The following FSTL4 variants were observed in gnomAD, a reference collection of about 807,000 sequenced individuals.
FSTL4 encodes follistatin-related protein 4.
FSTL4 carries 28 observed loss-of-function variants against 78.2 expected under a neutral mutation model. That is an observed-to-expected ratio of 0.36 (90% CI 0.27 to 0.49). The LOEUF is 0.49. FSTL4 is among the 20% of genes least tolerant of loss of function. The pLI is 0.98. For synonymous variants in FSTL4, 422 were observed against 440.5 expected (o/e 0.96, Z 0.53); for missense variants, 922 against 1,084.9 (o/e 0.85, Z 2.11).
At chr5:133,240,633 CTG>C (rs1393140883) in intron 7 of FSTL4, among the ~76,000 whole-genome samples, 1 of 152,060 alleles carries the variant, frequency 6.6e-6, no homozygotes, top group Non-Finnish European at 1.5e-5. Context: ...CTTCTTCTGA[CTG>C]TGGATGCCAA....
rs1464656966 is a variant in FSTL4 at position 133,361,180 on chromosome 5, C to G, written c.409+39558G>C. ...ACATGATTCCCGACCTCTTCTCGCT[C>G]TAATAAACTTTTCAAGGAGGGGTCG... On this transcript the variant is annotated intron_variant, in intron 4 of 15. Transcript: ENST00000265342. The surrounding 1 kb of genome is among the most constrained non-coding windows in gnomAD (Gnocchi z 4.3). 6.6e-6 allele frequency among the ~76,000 whole-genome samples: 1 copy of G among 152,176 alleles called. No individual in the cohort carries two copies. The highest frequency in any genetic ancestry group is 1.5e-5 in the Non-Finnish European group (1 of 68,032).
At chr5:133,687,521 AG>A in the FSTL4 span, among the ~76,000 whole-genome samples, 3 of 152,090 alleles carry the variant, frequency 2.0e-5, no homozygotes, top group Non-Finnish European at 4.4e-5. Context: ...AGGAACACCC[AG>A]GGGGGCTTTA....
In FSTL4 at chr5:133,197,990, C is replaced by T. The variant is rs929936172; in HGVS notation, c.*1105G>A. On this transcript the variant is annotated 3_prime_UTR_variant, in exon 16 of 16. Coordinates refer to ENST00000265342, the MANE Select transcript of FSTL4 (RefSeq NM_015082.2). ...AAACCCTCGCCGAAATGTGTTCTCT[C>T]TGCAGTGCTGATGCGGGGATGGGGT... The T allele has an allele frequency of 6.5e-6, 1 of 152,860 alleles. No homozygotes were observed. Among genetic ancestry groups the T allele is most frequent in the Admixed American group, 6.5e-5 (1 of 15,278 alleles). The allele number at this position is 152,860 out of a possible 1,614,324, so 9.5% of individuals were successfully genotyped here.
chr5:133,657,626 G>A, the FSTL4 span, among the ~76,000 whole-genome samples: 3 of 151,918 alleles, frequency 2.0e-5, no homozygotes, highest in East Asian at 5.8e-4. Flanking sequence ...CTAGATATCT[G>A]GGTATCCTTG....
rs757537065 is a variant in FSTL4 at position 133,449,668 on chromosome 5, G to A, written c.161-48682C>T. The stretch of plus-strand genomic sequence containing the variant: ...GTCCGAGGTGAGGGGTGAGGTCTGC[G>A]TCCCTCCCGTGTTTCAAGGTCCATC... On this transcript the variant is annotated intron_variant, in intron 3 of 15. Transcript: ENST00000265342. 5.3e-5 allele frequency among the ~76,000 whole-genome samples: 8 copies of A among 152,120 alleles called. No individual in the cohort carries two copies. In the East Asian group the frequency reaches 1.2e-3, roughly 22 times the overall value.
Position 133,316,590 on chromosome 5 carries a change from G to C in FSTL4, c.472C>G (p.Arg158Gly), listed in dbSNP as rs775276500. Residue 158 changes from arginine (R) to glycine (G), a missense_variant, in exon 5 of 16, where the codon CGT becomes GGT. Physicochemically the swap from Arg to Gly is moderately radical, Grantham distance 125. Transcript: ENST00000265342. ...TCTCCTTCTTGGAGTGGCTGCAGAC[G>C]GGTCTGGAGTGCCAGAAGGACATTC... ...LKNVLLALQT[R>G]LQPLQEGDSR... The C allele has an allele frequency of 1.9e-6, 3 of 1,614,140 alleles. No individual in the cohort carries two copies. The highest frequency in any genetic ancestry group is 1.7e-5 in the Admixed American group (1 of 60,026).
In FSTL4 at chr5:133,312,674, C is replaced by T. The variant is rs374211071; in HGVS notation, c.707G>A (p.Arg236His). The change falls in exon 6 of 16, where the codon CGC becomes CAC. Residue 236 changes from arginine (R) to histidine (H), a missense_variant. Transcript: ENST00000265342. ...CTTACGGAAGGCCATGTAGAACTCGCGGAGGGTCAGGGAGCTGTCACTGTT... is the reference window on the plus strand; with the variant it reads ...CTTACGGAAGGCCATGTAGAACTCGTGGAGGGTCAGGGAGCTGTCACTGTT... ...DYNSDSSLTL[R>H]EFYMAFQVVQ... 9.3e-6 allele frequency: 15 copies of T among 1,613,922 alleles called. No homozygotes were observed. Among genetic ancestry groups the T allele is most frequent in the East Asian group, 2.2e-5 (1 of 44,870 alleles).
chr5:133,525,039 C>T (rs1759061699), intron 3 of FSTL4, among the ~76,000 whole-genome samples: 1 of 152,202 alleles, frequency 6.6e-6, no homozygotes, highest in Non-Finnish European at 1.5e-5. Flanking sequence ...CTTTTTAACC[C>T]TGTTACATGG....
At chr5:133,296,415 C>A (rs193085976) in intron 6 of FSTL4, among the ~76,000 whole-genome samples, 2 of 152,316 alleles carry the variant, frequency 1.3e-5, no homozygotes, top group East Asian at 3.9e-4. Flanking sequence ...CATCCCTTCT[C>A]GACTTGAAGC....
chr5:133,684,575 C>T, the FSTL4 span, among the ~76,000 whole-genome samples: 2 of 152,210 alleles, frequency 1.3e-5, no homozygotes, highest in African/African-American at 4.8e-5. Flanking sequence ...GCTTGGCAGA[C>T]AGAGTTCCAT....
At chr5:133,825,193 C>T in the FSTL4 span, among the ~76,000 whole-genome samples, 25 of 152,256 alleles carry the variant, frequency 1.6e-4, no homozygotes, top group East Asian at 7.7e-4. Flanking sequence ...CCTACTCCCA[C>T]GCCACCTTGA....
At chr5:133,583,561 T>C (rs1760485044) in intron 2 of FSTL4, 1 of 157,524 alleles carries the variant, frequency 6.3e-6, no homozygotes, top group East Asian at 2.6e-4. Context: ...ATCGGGTCAC[T>C]CCCACCCGAA....
chr5:133,261,327 G>A lies in FSTL4; in HGVS notation c.728-11751C>T, dbSNP rs1035262462. On this transcript the variant is annotated intron_variant, in intron 6 of 15. Transcript: ENST00000265342. Reference sequence around the variant, plus strand: ...CTACAAACAGGTGGAGGCATCACACGTAGGTACATATCCGGTGGAAAGGAT... The same window carrying A: ...CTACAAACAGGTGGAGGCATCACACATAGGTACATATCCGGTGGAAAGGAT... Among the ~76,000 whole-genome samples, 13 of 152,248 alleles carry A rather than the reference G, an allele frequency of 8.5e-5. No homozygotes were observed. The South Asian group carries it at 1.5e-3, about 17-fold the overall frequency.
chr5:133,526,449 C>T (rs1053248370), intron 3 of FSTL4, among the ~76,000 whole-genome samples: 11 of 151,990 alleles, frequency 7.2e-5, no homozygotes, highest in East Asian at 3.9e-4. Context: ...ACAGCCAGAA[C>T]GAAGGGGACT....
the FSTL4 span, among the ~76,000 whole-genome samples, chr5:133,822,493 A>G: frequency 6.6e-6 from 1 of 152,228 alleles, no homozygotes; most frequent in African/African-American, 2.4e-5. Flanking sequence ...CAGGGGTCAC[A>G]CACAGAACCA....
chr5:133,233,863 G>A (rs1303871246), intron 7 of FSTL4, among the ~76,000 whole-genome samples: 2 of 152,052 alleles, frequency 1.3e-5, no homozygotes, highest in African/African-American at 2.4e-5. Context: ...CCCATTTACC[G>A]GCTGCCTGCT....
At chr5:133,686,462 C>A in the FSTL4 span, among the ~76,000 whole-genome samples, 5 of 152,366 alleles carry the variant, frequency 3.3e-5, no homozygotes, top group Middle Eastern at 3.4e-3. Flanking sequence ...ACGAATCAGT[C>A]AGGCCCATCC....
At chr5:133,705,314 C>T in the FSTL4 span, among the ~76,000 whole-genome samples, 1 of 152,180 alleles carries the variant, frequency 6.6e-6, no homozygotes, top group Non-Finnish European at 1.5e-5. Flanking sequence ...CTGCCTCGGC[C>T]TCCCAAAGTG....
In FSTL4 at chr5:133,360,350, A is replaced by T. The variant is rs537626585; in HGVS notation, c.409+40388T>A. Among the ~76,000 whole-genome samples the T allele has an allele frequency of 9.2e-5, 14 of 152,328 alleles. No individual in the cohort carries two copies. The South Asian group carries it at 2.9e-3, about 32-fold the overall frequency. ...CTAAGATCTGACCTTAACACATGAA[A>T]ATGTGTTCTGGTCCAATGATCATTT... is the stretch of plus-strand genomic sequence containing the variant. On this transcript the variant is annotated intron_variant, in intron 4 of 15. Transcript: ENST00000265342.
Sources: gnomAD v4.1 joint callset for allele counts (sites outside exome capture counted in the v4.1 genomes callset) on GRCh38, gnomAD v4.1.1 for gene constraint, Gnocchi (gnomAD v3.1) non-coding constraint, MANE v1.5 for transcripts, NCBI Gene and HGNC (gene_info 2026-07-23, HGNC 2026-07-21) for gene names.